SERPINI1: variants seen among roughly 807,000 people sequenced by gnomAD.
SERPINI1 encodes the protein serpin family I member 1.
In SERPINI1, 19 loss-of-function variants were observed where a neutral mutation model predicts 41.1. The ratio of observed to expected loss-of-function variants is 0.46; its 90% CI spans 0.32 to 0.68. SERPINI1 has a LOEUF of 0.68. Among genes scored for constraint, SERPINI1 ranks in the 30% least tolerant of loss-of-function variants. SERPINI1 has a pLI of 0.03. For missense variants in SERPINI1, 460 were observed against 479.2 expected (o/e 0.96, Z 0.37); for synonymous variants, 138 against 156.6 (o/e 0.88, Z 0.89).
At chr3:167,798,806 A>C (rs1443847886) in intron 5 of SERPINI1, among the ~76,000 whole-genome samples, 1 of 152,104 alleles carries the variant, frequency 6.6e-6, no homozygotes. Flanking sequence ...ATGGACATAA[A>C]GATGGCAATG....
chr3:167,795,719 G>A (rs1164086901), intron 5 of SERPINI1, among the ~76,000 whole-genome samples: 1 of 152,062 alleles, frequency 6.6e-6, no homozygotes, highest in Non-Finnish European at 1.5e-5. Flanking sequence ...TGTAGGGCTA[G>A]TTTTCTTTCT....
chr3:167,808,659 G>A (rs142134740), intron 6 of SERPINI1, among the ~76,000 whole-genome samples: 2 of 152,282 alleles, frequency 1.3e-5, no homozygotes, highest in African/African-American at 4.8e-5. Context: ...TGAAGCAGCA[G>A]CCTATAGAGA....
chr3:167,804,343 A>C lies in SERPINI1; in HGVS notation c.882-2901A>C, dbSNP rs1370009343. Among the ~76,000 whole-genome samples, 100 of 152,138 alleles carry C rather than the reference A, an allele frequency of 6.6e-4. 1 individual carries two copies. The highest frequency in any genetic ancestry group is 6.6e-3 in the Admixed American group (100 of 15,254). ...CTTCTCATTTTCCTTAAAACCAGAC[A>C]TTAGAAATGATGCTAATGAAACTTT... On this transcript the variant is annotated intron_variant, in intron 5 of 8. Transcript: ENST00000446050.
At chr3:167,813,370 G>A (rs561111682) in intron 6 of SERPINI1, among the ~76,000 whole-genome samples, 1 of 152,260 alleles carries the variant, frequency 6.6e-6, no homozygotes, top group Admixed American at 6.5e-5. Flanking sequence ...AGGCTCTCTA[G>A]CATCATCGTC....
At chr3:167,767,925 A>G (rs1001894700) in intron 1 of SERPINI1, among the ~76,000 whole-genome samples, 1 of 152,316 alleles carries the variant, frequency 6.6e-6, no homozygotes, top group Admixed American at 6.5e-5. Context: ...GGTGGAATCT[A>G]CTGGTGAAGA....
chr3:167,805,964 A>G (rs1055115645), intron 5 of SERPINI1, among the ~76,000 whole-genome samples: 1 of 152,060 alleles, frequency 6.6e-6, no homozygotes, highest in Admixed American at 6.6e-5. Context: ...CAGCAATCCC[A>G]TTACTAGGTA....
chr3:167,756,074 C>A (rs1031059694), intron 1 of SERPINI1, among the ~76,000 whole-genome samples: 5 of 151,420 alleles, frequency 3.3e-5, no homozygotes, highest in Admixed American at 6.6e-5. Context: ...CCCCAGAGAG[C>A]CATCCTGCCC....
At chr3:167,824,391 A>G (rs1309727946) in intron 7 of SERPINI1, 82 bp from the exon 8 acceptor site, 1 of 993,910 alleles carries the variant, frequency 1.0e-6, no homozygotes, top group Non-Finnish European at 1.6e-6. Context: ...CATTAGGTGG[A>G]TAGGCATAGA....
chr3:167,743,272 CAA>C (rs1250541917), intron 1 of SERPINI1, among the ~76,000 whole-genome samples: 1 of 151,988 alleles, frequency 6.6e-6, no homozygotes, highest in African/African-American at 2.4e-5. Flanking sequence ...TTATCCATTT[CAA>C]AAATGTGAAA....
chr3:167,763,379 A>G (rs1492025), intron 1 of SERPINI1, among the ~76,000 whole-genome samples: 55,002 of 136,220 alleles, frequency 0.4, 10,344 homozygotes, highest in African/African-American at 0.54. Context: ...GTGTGTGTGT[A>G]TGTGTGTGTG....
chr3:167,759,400 G>GCATATATATATATATATATATATATA (rs1553771738), intron 1 of SERPINI1, among the ~76,000 whole-genome samples: 6 of 121,160 alleles, frequency 5.0e-5, no homozygotes, highest in African/African-American at 1.5e-4. Context: ...AGAAAATGTG[G>GCATATATATATATATATATATATATA]TATATATATA....
chr3:167,759,054 C>T (rs1325918075), intron 1 of SERPINI1, among the ~76,000 whole-genome samples: 2 of 152,096 alleles, frequency 1.3e-5, no homozygotes, highest in Non-Finnish European at 2.9e-5. Context: ...CAGTGACTTG[C>T]CCAAGGCCAC....
At chr3:167,758,683 G>A (rs1179962488) in intron 1 of SERPINI1, among the ~76,000 whole-genome samples, 1 of 152,084 alleles carries the variant, frequency 6.6e-6, no homozygotes, top group Non-Finnish European at 1.5e-5. Context: ...TGCAATATGG[G>A]ATCCTAGATA....
intron 1 of SERPINI1, among the ~76,000 whole-genome samples, chr3:167,772,658 A>G (rs1399396243): frequency 1.3e-5 from 2 of 151,620 alleles, no homozygotes. Flanking sequence ...ATTTATGGAC[A>G]TGTCTTATCT....
chr3:167,778,517 A>G (rs1231316955), intron 1 of SERPINI1, among the ~76,000 whole-genome samples: 2 of 152,220 alleles, frequency 1.3e-5, no homozygotes, highest in South Asian at 2.1e-4. Context: ...TGGGGATCAC[A>G]GGACCAGTTG....
intron 4 of SERPINI1, among the ~76,000 whole-genome samples, chr3:167,793,355 A>T (rs1395158600): frequency 6.6e-6 from 1 of 152,070 alleles, no homozygotes. Flanking sequence ...CTTATCCACT[A>T]TATTGACTTG....
chr3:167,773,992 T>C (rs1186304355), intron 1 of SERPINI1, among the ~76,000 whole-genome samples: 1 of 152,186 alleles, frequency 6.6e-6, no homozygotes, highest in Non-Finnish European at 1.5e-5. Flanking sequence ...GTGTTCCATA[T>C]CAGTTAGAGA....
intron 1 of SERPINI1, among the ~76,000 whole-genome samples, chr3:167,744,634 ATATT>A (rs1216679958): frequency 7.3e-6 from 1 of 136,440 alleles, no homozygotes; most frequent in African/African-American, 2.8e-5. Context: ...TAAATATTTT[ATATT>A]TATATATAAA....
rs142605327 is a variant in SERPINI1, at chr3:167,824,522, C to T, written c.1116C>T (p.Val372=). Residue 372 remains valine (V), a synonymous_variant, in exon 8 of 9, where the codon GTC becomes GTT. Transcript: ENST00000446050. ...CTGTGCTGTATCCTCAAGTTATTGT[C>T]GACCATCCATTTTTCTTTCTTATCA... ...RMAVLYPQVI[V]DHPFFFLIRN... The T allele has an allele frequency of 6.5e-5, 105 of 1,613,378 alleles. No individual in the cohort carries two copies. The highest frequency in any genetic ancestry group is 8.1e-5 in the Non-Finnish European group (96 of 1,179,684).
Sources: allele counts gnomAD v4.1 joint callset (sites outside exome capture counted in the v4.1 genomes callset), GRCh38; gene constraint gnomAD v4.1.1; transcripts MANE v1.5; gene names NCBI Gene and HGNC (gene_info 2026-07-23, HGNC 2026-07-21).